SPOCD1: variants seen among roughly 807,000 people sequenced by gnomAD.
SPOCD1 encodes SPOC domain-containing protein 1.
A neutral mutation model predicts 92.2 loss-of-function variants in SPOCD1; 64 were observed. The observed-to-expected ratio is 0.69, with a 90% CI of 0.57 to 0.86. The LOEUF (loss-of-function observed/expected upper bound fraction) is 0.86, where lower values mean the gene tolerates loss of function less well. SPOCD1 is among the 40% of genes least tolerant of loss of function. SPOCD1 has a pLI of 0.00. For missense variants in SPOCD1, 1,360 were observed against 1,543.1 expected (o/e 0.88, Z 1.99); for synonymous variants, 578 against 619.3 (o/e 0.93, Z 0.99).
rs1225344704 is a variant in SPOCD1, at chr1:31,798,007, CT to C, written c.2145+199del. 6.6e-6 allele frequency among the ~76,000 whole-genome samples: 1 copy of C among 152,218 alleles called. No individual in the cohort carries two copies. Among genetic ancestry groups the C allele is most frequent in the Non-Finnish European group, 1.5e-5 (1 of 68,040 alleles). ...CTACCAAGCTCTCCATTCCCAGTCC[CT>C]TTCATTTCCACCCCTTCTCCTGTTT... On this transcript the variant is annotated intron_variant, in intron 9 of 15. Coordinates refer to ENST00000360482, the MANE Select transcript of SPOCD1 (RefSeq NM_144569.7). The surrounding 1 kb of genome is among the most constrained non-coding windows in gnomAD (Gnocchi z 4.1).
At chr1:31,802,623 T>C (rs1183223888) in intron 2 of SPOCD1, among the ~76,000 whole-genome samples, 1 of 152,240 alleles carries the variant, frequency 6.6e-6, no homozygotes, top group African/African-American at 2.4e-5. Context: ...TATTTACAGA[T>C]ACATAATAGA....
rs1329400288 is a variant in SPOCD1 at position 31,790,773 on chromosome 1, G to A, written c.3481C>T (p.His1161Tyr). The A allele has an allele frequency of 3.2e-6, 5 of 1,550,478 alleles. No individual in the cohort carries two copies. In the Admixed American group the frequency reaches 7.9e-5, roughly 24 times the overall value. Residue 1161 changes from histidine (H) to tyrosine (Y), a missense_variant, in exon 16 of 16, where the codon CAC becomes TAC. His to Tyr is a moderately conservative substitution (Grantham distance 83, BLOSUM62 2). Coordinates refer to ENST00000360482, the MANE Select transcript of SPOCD1 (RefSeq NM_144569.7). Reference protein sequence around the residue: ...RHLESLATMSHQLQALLCPQT... With the variant: ...RHLESLATMSYQLQALLCPQT... ...GGGCACAGTAAGGCTTGGAGCTGGT[G>A]ACTCATGGTCGCCAGGGATTCGAGG...
Position 31,798,150 on chromosome 1 carries a change from G to A in SPOCD1, c.2145+57C>T, listed in dbSNP as rs1648156825. Reference sequence around the variant, plus strand: ...TCTGTCTCTCCCTCTTCCACTCTCAGGCCACCCACTCTGCCCCTACATCCC... The same window carrying A: ...TCTGTCTCTCCCTCTTCCACTCTCAAGCCACCCACTCTGCCCCTACATCCC... On this transcript the variant is annotated intron_variant, in intron 9 of 15. Coordinates refer to ENST00000360482, the MANE Select transcript of SPOCD1 (RefSeq NM_144569.7). This position sits in a 1 kb window ranked among gnomAD's most constrained non-coding sequence, Gnocchi z 4.1. The A allele has an allele frequency of 3.0e-6, 4 of 1,318,934 alleles. No individual in the cohort carries two copies. The highest frequency in any genetic ancestry group is 2.4e-5 in the South Asian group (2 of 85,002). 81.7% of individuals were successfully genotyped at this position (1,318,934 alleles called of 1,614,324 possible). A position where few individuals can be genotyped will look rare whatever the true frequency, so the allele number is the denominator to read the frequency against.
At position 31,814,406 on chromosome 1, in the gene SPOCD1, TG is replaced by T; in HGVS notation, c.927del (p.Ser310ValfsTer116). On this transcript the variant is annotated frameshift_variant, in exon 2 of 16. Transcript: ENST00000360482. LOFTEE classifies it high-confidence loss of function. The surrounding 1 kb of genome is among the most constrained non-coding windows in gnomAD (Gnocchi z 4.2). ...GCTGAACTGAGGGACTCCCCTCCAC[TG>T]GGCACTGGGAACCCGACAGGGCCAC... is the stretch of plus-strand genomic sequence containing the variant. ...SPCGPVGFPV[P>X]SGGESLSSAA... is the part of the protein sequence containing the mutation. 1 of 1,609,352 alleles carries T rather than the reference TG, an allele frequency of 6.2e-7. No homozygotes were observed.
intron 1 of SPOCD1, 105 bp from the exon 2 acceptor site, chr1:31,815,477 C>G: frequency 1.3e-6 from 1 of 781,590 alleles, no homozygotes; most frequent in Non-Finnish European, 1.9e-6. Flanking sequence ...TCTCCCAGAC[C>G]CTTCCACTCC....
intron 2 of SPOCD1, among the ~76,000 whole-genome samples, chr1:31,812,291 GCT>G (rs556112890): frequency 2.2e-4 from 34 of 152,280 alleles, no homozygotes; most frequent in Non-Finnish European, 4.3e-4. Context: ...CAGGGCTCAT[GCT>G]CCTCACTACA....
At chr1:31,808,962 G>A (rs1038002760) in intron 2 of SPOCD1, among the ~76,000 whole-genome samples, 10 of 152,144 alleles carry the variant, frequency 6.6e-5, no homozygotes, top group African/African-American at 1.9e-4. Flanking sequence ...TTGGGAGGCC[G>A]AGGATCACCT....
At chr1:31,799,720 C>G in intron 6 of SPOCD1, 89 bp downstream of exon 6, 1 of 1,483,278 alleles carries the variant, frequency 6.7e-7, no homozygotes, top group Non-Finnish European at 9.3e-7. Flanking sequence ...AGAATCATAG[C>G]AGGGGCTGGG....
chr1:31,794,227 C>G lies in SPOCD1; in HGVS notation c.2280G>C (p.Gln760His). 6.2e-7 allele frequency: 1 copy of G among 1,611,608 alleles called. No homozygotes were observed. The highest frequency in any genetic ancestry group is 1.3e-5 in the African/African-American group (1 of 75,010). The change falls in exon 11 of 16, where the codon CAG becomes CAC. Residue 760 changes from glutamine to histidine, a missense_variant. Transcript: ENST00000360482. ...CCTGTGGGCTGCAGTCCATGAACAT[C>G]TGCGGTCCCTGGGAGGCAGAAGACA... ...TLTLEDLVGP[Q>H]MFMDCSPQAL... is the part of the protein sequence containing the mutation.
chr1:31,802,486 T>G (rs1251624028), intron 2 of SPOCD1, among the ~76,000 whole-genome samples: 1 of 152,178 alleles, frequency 6.6e-6, no homozygotes, highest in Non-Finnish European at 1.5e-5. Context: ...GCCCAAGCAC[T>G]TAGCTGCGGG....
chr1:31,808,687 T>C (rs1221875575), intron 2 of SPOCD1, among the ~76,000 whole-genome samples: 3 of 151,950 alleles, frequency 2.0e-5, no homozygotes, highest in Non-Finnish European at 2.9e-5. Context: ...CTAACAGTCT[T>C]AGCTAGTACA....
At chr1:31,812,829 C>T (rs1319331421) in intron 2 of SPOCD1, among the ~76,000 whole-genome samples, 1 of 152,240 alleles carries the variant, frequency 6.6e-6, no homozygotes, top group East Asian at 1.9e-4. Context: ...TGTAGCCTTG[C>T]TCCCATTCAC....
chr1:31,799,017 C>T (rs988132293), intron 7 of SPOCD1, among the ~76,000 whole-genome samples: 26 of 152,160 alleles, frequency 1.7e-4, no homozygotes, highest in African/African-American at 5.8e-4. Context: ...CATTGACTTG[C>T]TGTGTGGCCT....
intron 12 of SPOCD1, 91 bp from the exon 13 acceptor site, chr1:31,793,519 C>G: frequency 6.5e-7 from 1 of 1,527,848 alleles, no homozygotes; most frequent in Non-Finnish European, 8.9e-7. Context: ...ATCCTGTGTC[C>G]CTACTGTGGG....
intron 2 of SPOCD1, among the ~76,000 whole-genome samples, chr1:31,805,444 G>A (rs563175002): frequency 1.3e-5 from 2 of 152,178 alleles, no homozygotes; most frequent in South Asian, 2.1e-4. Flanking sequence ...GCACAAAACA[G>A]GCCGGGTGCA....
At chr1:31,810,251 A>G (rs920879640) in intron 2 of SPOCD1, among the ~76,000 whole-genome samples, 1 of 152,174 alleles carries the variant, frequency 6.6e-6, no homozygotes, top group Admixed American at 6.5e-5. Flanking sequence ...GACTGGAGTC[A>G]AACCCTGGCT....
At chr1:31,810,841 C>T (rs16834735) in intron 2 of SPOCD1, among the ~76,000 whole-genome samples, 17,749 of 152,186 alleles carry the variant, frequency 0.12, 1,056 homozygotes, top group Middle Eastern at 0.14. Flanking sequence ...GATTCTGGGT[C>T]AGGCCAGAGG....
chr1:31,813,742 G>T (rs1649353047), intron 2 of SPOCD1, among the ~76,000 whole-genome samples: 1 of 152,200 alleles, frequency 6.6e-6, no homozygotes, highest in African/African-American at 2.4e-5. Flanking sequence ...GACTCCAAAA[G>T]ATAATGACCC....
intron 2 of SPOCD1, among the ~76,000 whole-genome samples, chr1:31,805,362 A>G (rs564062071): frequency 5.3e-5 from 8 of 152,294 alleles, no homozygotes; most frequent in African/African-American, 1.7e-4. Flanking sequence ...AGGGATAAAA[A>G]GGAGTAAGAA....
Sources: gnomAD v4.1 joint callset for allele counts (sites outside exome capture counted in the v4.1 genomes callset) on GRCh38, gnomAD v4.1.1 for gene constraint, Gnocchi (gnomAD v3.1) non-coding constraint, MANE v1.5 for transcripts, NCBI Gene and HGNC (gene_info 2026-07-23, HGNC 2026-07-21) for gene names.